Variants in EPB41L5 observed in about 807,000 individuals in gnomAD.
EPB41L5 encodes the protein band 4.1-like protein 5.
A neutral mutation model predicts 106.6 loss-of-function variants in EPB41L5; 55 were observed. The observed-to-expected ratio is 0.52, with a 90% CI of 0.42 to 0.65. EPB41L5 has a LOEUF of 0.65. EPB41L5 is among the 30% of genes least tolerant of loss of function. The pLI, the probability that EPB41L5 is intolerant of heterozygous loss-of-function variation, is 0.00. For synonymous variants in EPB41L5, 297 were observed against 306.7 expected (o/e 0.97, Z 0.33); for missense variants, 871 against 882.1 (o/e 0.99, Z 0.16).
chr2:120,033,010 G>A (rs1558810135), intron 2 of EPB41L5, among the ~76,000 whole-genome samples: 1 of 152,060 alleles, frequency 6.6e-6, no homozygotes, highest in Non-Finnish European at 1.5e-5. Flanking sequence ...ATTGTTAAGT[G>A]CGTAATGAAA....
intron 7 of EPB41L5, 28 bp downstream of exon 7, chr2:120,075,781 G>C: frequency 6.4e-7 from 1 of 1,555,802 alleles, no homozygotes; most frequent in Non-Finnish European, 8.9e-7. Flanking sequence ...TGACTGTTAA[G>C]ACTCAAGTAT....
At chr2:120,062,123 T>C (rs1170783941) in intron 3 of EPB41L5, among the ~76,000 whole-genome samples, 2 of 152,192 alleles carry the variant, frequency 1.3e-5, no homozygotes, top group Non-Finnish European at 2.9e-5. Context: ...AATGCAGTTA[T>C]GGAAGAGAAA....
chr2:120,085,908 G>A lies in EPB41L5; in HGVS notation c.804-1263G>A, dbSNP rs188898388. On this transcript the variant is annotated intron_variant, in intron 10 of 24. Transcript: ENST00000263713. ...TTGAGAGTTAATTAATACTTGTAAAGCACTTAGAAGAATACTTAGGGCAGA... is the reference window on the plus strand; with the variant it reads ...TTGAGAGTTAATTAATACTTGTAAAACACTTAGAAGAATACTTAGGGCAGA... 4.1e-3 allele frequency among the ~76,000 whole-genome samples: 619 copies of A among 152,218 alleles called. 11 individuals are homozygous for A. Among genetic ancestry groups the A allele is most frequent in the Non-Finnish European group, 3.5e-3 (241 of 68,008 alleles).
At chr2:120,087,513 A>G (rs1683137307) in intron 11 of EPB41L5, among the ~76,000 whole-genome samples, 1 of 152,184 alleles carries the variant, frequency 6.6e-6, no homozygotes, top group Non-Finnish European at 1.5e-5. Context: ...TAAGTGAGCC[A>G]GCCAGTCACC....
At chr2:120,015,841 G>A (rs1317678111) in intron 1 of EPB41L5, among the ~76,000 whole-genome samples, 2 of 150,906 alleles carry the variant, frequency 1.3e-5, no homozygotes, top group African/African-American at 2.4e-5. Flanking sequence ...CCCTAGGTGG[G>A]AGAATCCCTT....
chr2:120,043,719 C>G (rs1679577459), intron 3 of EPB41L5, among the ~76,000 whole-genome samples: 1 of 152,020 alleles, frequency 6.6e-6, no homozygotes, highest in East Asian at 1.9e-4. Context: ...CACTCCTAAC[C>G]TGGGTGACAA....
intron 20 of EPB41L5, among the ~76,000 whole-genome samples, chr2:120,153,938 T>G (rs1686788053): frequency 6.6e-6 from 1 of 152,132 alleles, no homozygotes; most frequent in Admixed American, 6.6e-5. Flanking sequence ...TTTAAAAAAT[T>G]CTTTCTGCCA....
intron 24 of EPB41L5, among the ~76,000 whole-genome samples, chr2:120,173,310 C>A (rs1687770498): frequency 6.6e-6 from 1 of 152,076 alleles, no homozygotes; most frequent in Non-Finnish European, 1.5e-5. Context: ...CCTTCACAGT[C>A]CATAGGAGGA....
intron 20 of EPB41L5, among the ~76,000 whole-genome samples, chr2:120,151,472 A>T (rs1302710744): frequency 6.6e-6 from 1 of 152,174 alleles, no homozygotes; most frequent in Non-Finnish European, 1.5e-5. Context: ...TAAAAGATTT[A>T]AAAACCTAGG....
At chr2:120,047,864 G>C (rs1218756585) in intron 3 of EPB41L5, among the ~76,000 whole-genome samples, 2 of 152,178 alleles carry the variant, frequency 1.3e-5, no homozygotes, top group African/African-American at 4.8e-5. Context: ...GGAGTTTTTA[G>C]CACGAAGGGC....
At chr2:120,078,465 C>T (rs749633715) in intron 9 of EPB41L5, 28 bp from the exon 10 acceptor site, 3 of 1,468,490 alleles carry the variant, frequency 2.0e-6, no homozygotes, top group South Asian at 2.4e-5. Context: ...ACAAATAAAG[C>T]TAACACATTT....
chr2:120,015,420 G>A (rs539039929), intron 1 of EPB41L5, among the ~76,000 whole-genome samples: 1 of 151,874 alleles, frequency 6.6e-6, no homozygotes, highest in Non-Finnish European at 1.5e-5. Context: ...CAAAGTGCTG[G>A]GATTACAGAC....
intron 3 of EPB41L5, among the ~76,000 whole-genome samples, chr2:120,042,998 TGTGTGTGTGTGTGTGTGTGTGTGTG>T (rs1679504840): frequency 7.1e-5 from 9 of 127,616 alleles, no homozygotes; most frequent in South Asian, 5.2e-4. Context: ...TCTGGAAATG[TGTGTGTGTGTGTGTGTGTGTGTGTG>T]TGTGTGTGTG....
intron 1 of EPB41L5, 77 bp from the exon 2 acceptor site, chr2:120,019,000 A>G (rs906328446): frequency 5.6e-6 from 7 of 1,259,380 alleles, no homozygotes; most frequent in Non-Finnish European, 7.8e-6. Flanking sequence ...TGACTAAATA[A>G]TGCCATTTGA....
chr2:120,174,944 C>T lies in EPB41L5; in HGVS notation c.*37C>T, dbSNP rs775114293. ...TGGAATACGCATCTCTCCAGCATTCCGTCCTGGGATCCGTTTCAGCTAGAA... is the reference window on the plus strand; with the variant it reads ...TGGAATACGCATCTCTCCAGCATTCTGTCCTGGGATCCGTTTCAGCTAGAA... On this transcript the variant is annotated 3_prime_UTR_variant, in exon 25 of 25. Transcript: ENST00000263713. The T allele has an allele frequency of 9.5e-6, 15 of 1,577,928 alleles. No homozygotes were observed. In the East Asian group the frequency reaches 1.3e-4, roughly 14 times the overall value.
rs1023665178 is a variant in EPB41L5 at position 120,113,664 on chromosome 2, A to G, written c.1337+12850A>G. On this transcript the variant is annotated intron_variant, in intron 16 of 24. Coordinates refer to ENST00000263713, the MANE Select transcript of EPB41L5 (RefSeq NM_020909.4). Reference sequence around the variant, plus strand: ...AACCTCTTTCCTATTAGCAGTTACTATCAATTATTCCTTCCTACTAGCCCC... The same window carrying G: ...AACCTCTTTCCTATTAGCAGTTACTGTCAATTATTCCTTCCTACTAGCCCC... Among the ~76,000 whole-genome samples, 4 of 152,218 alleles carry G rather than the reference A, an allele frequency of 2.6e-5. No homozygotes were observed. The East Asian group carries it at 5.8e-4, about 22-fold the overall frequency.
intron 10 of EPB41L5, among the ~76,000 whole-genome samples, chr2:120,079,488 C>A (rs1279560886): frequency 6.6e-6 from 1 of 152,144 alleles, no homozygotes; most frequent in Non-Finnish European, 1.5e-5. Flanking sequence ...CTGAGAGTTT[C>A]CTTGCCCTCC....
Position 120,175,491 on chromosome 2 carries a change from A to G in EPB41L5, c.*584A>G, listed in dbSNP as rs1326594533. On this transcript the variant is annotated 3_prime_UTR_variant, in exon 25 of 25. Coordinates refer to ENST00000263713, the MANE Select transcript of EPB41L5 (RefSeq NM_020909.4). ...TATAGAGAGTTTTTAAATGTCTCCC[A>G]TTCTTTTGATTTCTTACTGTACTGG... 1 of 152,048 alleles carries G rather than the reference A, an allele frequency of 6.6e-6. No homozygotes were observed. Among genetic ancestry groups the G allele is most frequent in the Non-Finnish European group, 1.5e-5 (1 of 68,158 alleles). 9.4% of individuals were successfully genotyped at this position (152,048 alleles called of 1,614,324 possible). A position where few individuals can be genotyped will look rare whatever the true frequency, so the allele number is the denominator to read the frequency against.
In EPB41L5 at chr2:120,097,760, G is replaced by T. The variant is rs140667798; in HGVS notation, c.1179-2484G>T. On this transcript the variant is annotated intron_variant, in intron 14 of 24. Coordinates refer to ENST00000263713, the MANE Select transcript of EPB41L5 (RefSeq NM_020909.4). The stretch of plus-strand genomic sequence containing the variant: ...CTTTAAAAAGGGAAGCTTGAACTAG[G>T]TTAGTAATGAGAAATAATTCAGTAA... 7.5e-3 allele frequency among the ~76,000 whole-genome samples: 1,141 copies of T among 152,304 alleles called. 12 individuals carry two copies. Among genetic ancestry groups the T allele is most frequent in the African/African-American group, 0.025 (1,046 of 41,564 alleles).
Sources: allele counts gnomAD v4.1 joint callset (sites outside exome capture counted in the v4.1 genomes callset), GRCh38; gene constraint gnomAD v4.1.1; transcripts MANE v1.5; gene names NCBI Gene and HGNC (gene_info 2026-07-23, HGNC 2026-07-21).